MROH2B: variants seen among roughly 807,000 people sequenced by gnomAD.
MROH2B encodes maestro heat like repeat family member 2B.
Under a neutral mutation model 208.6 loss-of-function variants are expected in MROH2B, and 177 were observed. The ratio of observed to expected loss-of-function variants is 0.85; its 90% CI spans 0.75 to 0.96. The LOEUF (loss-of-function observed/expected upper bound fraction) is 0.96. Ranked by LOEUF, MROH2B falls within the 40% of genes least tolerant of loss-of-function variation. The pLI is 0.00. For missense variants in MROH2B, 2,002 were observed against 1,878.7 expected (o/e 1.07, Z -1.21); for synonymous variants, 728 against 659.0 (o/e 1.10, Z -1.60).
rs1387599311 is a variant in MROH2B at position 41,057,379 on chromosome 5, C to T, written c.757-19G>A. 1 of 1,553,158 alleles carries T rather than the reference C, an allele frequency of 6.4e-7. No individual in the cohort carries two copies. On this transcript the variant is annotated intron_variant, in intron 7 of 41. Transcript: ENST00000399564. ...TTAGGCTCTAAAGTGGAAACTCCCA[C>T]AGGTTAGTTGGAGGCTGCCAGGGAA... is the stretch of plus-strand genomic sequence containing the variant.
intron 24 of MROH2B, among the ~76,000 whole-genome samples, chr5:41,019,751 G>A (rs1278024004): frequency 6.6e-6 from 1 of 152,152 alleles, no homozygotes; most frequent in African/African-American, 2.4e-5. Flanking sequence ...TCTTAGAGAG[G>A]AATAAAATTC....
At chr5:40,998,476 G>A (rs1741280201) in intron 41 of MROH2B, 136 bp downstream of exon 41, 1 of 725,910 alleles carries the variant, frequency 1.4e-6, no homozygotes, top group Non-Finnish European at 2.3e-6. Flanking sequence ...AAATTCTAGT[G>A]TCTAGAGAGC....
intron 35 of MROH2B, 93 bp from the exon 36 acceptor site, chr5:41,005,013 G>A: frequency 6.8e-7 from 1 of 1,475,892 alleles, no homozygotes; most frequent in Non-Finnish European, 9.0e-7. Flanking sequence ...ATTAAAGAGA[G>A]GACCCCACTG....
chr5:41,054,661 C>A lies in MROH2B; in HGVS notation c.1107+106G>T, dbSNP rs376540448. 52 of 790,336 alleles carry A rather than the reference C, an allele frequency of 6.6e-5. No homozygotes were observed. In the Admixed American group the frequency reaches 1.6e-3, roughly 25 times the overall value. The allele number at this position is 790,336 out of a possible 1,614,324, so 49.0% of individuals were successfully genotyped here. A position where few individuals can be genotyped will look rare whatever the true frequency, so the allele number is the denominator to read the frequency against. ...GTTCTTTTAAAAATGGAATTGACCA[C>A]AGAGTTCTTTATAAAATAGTCTCAT... On this transcript the variant is annotated intron_variant, in intron 11 of 41. Coordinates refer to ENST00000399564, the MANE Select transcript of MROH2B (RefSeq NM_173489.5).
At chr5:41,025,660 A>T (rs926419575) in intron 24 of MROH2B, among the ~76,000 whole-genome samples, 1 of 152,224 alleles carries the variant, frequency 6.6e-6, no homozygotes, top group African/African-American at 2.4e-5. Context: ...ATAGAAAAAG[A>T]GGGAATCCTC....
At chr5:41,019,136 G>T in intron 24 of MROH2B, 118 bp from the exon 25 acceptor site, 1 of 1,251,328 alleles carries the variant, frequency 8.0e-7, no homozygotes, top group Non-Finnish European at 1.1e-6. Context: ...CACATTTTCT[G>T]ACACGTTGGG....
At chr5:41,027,699 A>G (rs1219080456) in intron 24 of MROH2B, among the ~76,000 whole-genome samples, 1 of 152,238 alleles carries the variant, frequency 6.6e-6, no homozygotes, top group East Asian at 1.9e-4. Flanking sequence ...TATATACCCA[A>G]AGAATTATAA....
At chr5:41,006,526 A>T (rs1741598317) in intron 34 of MROH2B, among the ~76,000 whole-genome samples, 1 of 152,242 alleles carries the variant, frequency 6.6e-6, no homozygotes, top group South Asian at 2.1e-4. Flanking sequence ...CAAAAAAGAT[A>T]CTTGCACACA....
chr5:41,006,880 A>G (rs1741611298), intron 34 of MROH2B, among the ~76,000 whole-genome samples: 1 of 152,166 alleles, frequency 6.6e-6, no homozygotes, highest in Non-Finnish European at 1.5e-5. Flanking sequence ...TATTGGGTGC[A>G]GTGTACACTC....
intron 7 of MROH2B, 27 bp from the exon 8 acceptor site, chr5:41,057,387 T>A (rs771406878): frequency 1.3e-6 from 2 of 1,533,578 alleles, no homozygotes; most frequent in Admixed American, 4.0e-5. Flanking sequence ...CACAGGTTAG[T>A]TGGAGGCTGC....
chr5:41,005,360 A>AC, intron 35 of MROH2B, 171 bp downstream of exon 35: 1 of 523,046 alleles, frequency 1.9e-6, no homozygotes, highest in Non-Finnish European at 3.3e-6. Flanking sequence ...TTCCTCTCTC[A>AC]CCCCCTGCTT....
chr5:41,000,909 C>T, intron 37 of MROH2B, 76 bp from the exon 38 acceptor site: 1 of 1,456,318 alleles, frequency 6.9e-7, no homozygotes, highest in East Asian at 2.4e-5. Flanking sequence ...TGGCTCTCAT[C>T]CCACCCTTCC....
chr5:41,038,149 G>T (rs1453079189), intron 21 of MROH2B, among the ~76,000 whole-genome samples: 4 of 152,150 alleles, frequency 2.6e-5, no homozygotes, highest in Admixed American at 2.6e-4. Flanking sequence ...CTTAAAATAT[G>T]TATATGACAC....
At chr5:41,000,566 A>G in intron 38 of MROH2B, 112 bp downstream of exon 38, 1 of 1,393,986 alleles carries the variant, frequency 7.2e-7, no homozygotes, top group Non-Finnish European at 9.6e-7. Context: ...TTTCAGGTTC[A>G]GCGCTAAGGG....
At chr5:41,048,595 GT>G (rs1346847861) in intron 15 of MROH2B, 130 bp from the exon 16 acceptor site, 1 of 1,045,580 alleles carries the variant, frequency 9.6e-7, no homozygotes, top group African/African-American at 1.6e-5. Flanking sequence ...AATCATCACA[GT>G]CTATTCTTAT....
intron 20 of MROH2B, 147 bp downstream of exon 20, chr5:41,039,301 C>A (rs1742868537): frequency 1.8e-6 from 1 of 552,000 alleles, no homozygotes; most frequent in Non-Finnish European, 3.2e-6. Flanking sequence ...GCTAATCATC[C>A]TATAAAGACT....
At chr5:41,055,117 T>C (rs1743405725) in intron 10 of MROH2B, among the ~76,000 whole-genome samples, 1 of 152,198 alleles carries the variant, frequency 6.6e-6, no homozygotes, top group Non-Finnish European at 1.5e-5. Context: ...CAGATCTAAA[T>C]ATTGTGAGAC....
chr5:41,055,917 A>G (rs1743434567), intron 9 of MROH2B, 62 bp from the exon 10 acceptor site: 2 of 1,169,530 alleles, frequency 1.7e-6, no homozygotes, highest in East Asian at 4.7e-5. Context: ...ATACTTGTGA[A>G]TGGGAGGAGG....
chr5:41,022,744 C>A (rs746850656), intron 24 of MROH2B, among the ~76,000 whole-genome samples: 1 of 152,210 alleles, frequency 6.6e-6, no homozygotes, highest in Non-Finnish European at 1.5e-5. Context: ...CAGACTGCCT[C>A]CTCAAGTGGG....
Sources: allele counts gnomAD v4.1 joint callset (sites outside exome capture counted in the v4.1 genomes callset), GRCh38; gene constraint gnomAD v4.1.1; transcripts MANE v1.5; gene names NCBI Gene and HGNC (gene_info 2026-07-23, HGNC 2026-07-21).